SOX5: variants seen among roughly 807,000 people sequenced by gnomAD.
SOX5 encodes the protein SRY-box transcription factor 5, also known as transcription factor SOX-5.
In SOX5, 9 loss-of-function variants were observed where a neutral mutation model predicts 92.0. That is an observed-to-expected ratio of 0.10 (90% CI 0.06 to 0.17). The LOEUF (loss-of-function observed/expected upper bound fraction) is 0.17. SOX5 is among the 10% of genes least tolerant of loss of function. SOX5 has a pLI of 1.00. For missense variants in SOX5, 642 were observed against 944.5 expected (o/e 0.68, Z 4.20); for synonymous variants, 344 against 336.3 (o/e 1.02, Z -0.25).
At chr12:24,150,933 A>G (rs747689864) in intron 4 of SOX5, among the ~76,000 whole-genome samples, 1 of 152,140 alleles carries the variant, frequency 6.6e-6, no homozygotes, top group Non-Finnish European at 1.5e-5. Context: ...TGTTTTAGGA[A>G]AACATGATCA....
At chr12:24,422,106 C>T (rs1271997815) in intron 1 of SOX5, among the ~76,000 whole-genome samples, 2 of 152,286 alleles carry the variant, frequency 1.3e-5, no homozygotes, top group Non-Finnish European at 1.5e-5. Context: ...GAAGTCTAGA[C>T]GAATGGGGGC....
chr12:24,328,883 T>A (rs1005356428), intron 2 of SOX5, among the ~76,000 whole-genome samples: 3 of 152,210 alleles, frequency 2.0e-5, no homozygotes, highest in South Asian at 2.1e-4. Context: ...TTAACGTTAT[T>A]GTTAGAGTCC....
intron 3 of SOX5, among the ~76,000 whole-genome samples, chr12:23,843,495 T>C (rs367844374): frequency 4.0e-5 from 6 of 151,496 alleles, no homozygotes; most frequent in Admixed American, 1.3e-4. Flanking sequence ...ATAAAGTGAA[T>C]GTATAAATTA....
At chr12:24,533,289 G>A (rs191777576) in intron 1 of SOX5, among the ~76,000 whole-genome samples, 145 of 152,196 alleles carry the variant, frequency 9.5e-4, no homozygotes, top group African/African-American at 3.2e-3. Context: ...GTTGACATTA[G>A]AACTCAGAGA....
intron 3 of SOX5, among the ~76,000 whole-genome samples, chr12:23,837,896 T>C (rs1290194886): frequency 1.7e-4 from 19 of 112,682 alleles, no homozygotes; most frequent in Non-Finnish European, 2.4e-4. Flanking sequence ...ATATATAAGA[T>C]ATATTTATAT....
At chr12:24,319,152 T>G (rs904021602) in intron 2 of SOX5, among the ~76,000 whole-genome samples, 3 of 152,160 alleles carry the variant, frequency 2.0e-5, no homozygotes, top group Non-Finnish European at 4.4e-5. Flanking sequence ...TTCCATTCCT[T>G]TCACCCCTCC....
chr12:24,083,992 G>A (rs767791231), intron 4 of SOX5, among the ~76,000 whole-genome samples: 9 of 151,976 alleles, frequency 5.9e-5, no homozygotes, highest in African/African-American at 1.4e-4. Flanking sequence ...GGATCTCACC[G>A]GAGAAGGAAT....
intron 4 of SOX5, among the ~76,000 whole-genome samples, chr12:23,958,890 G>T (rs1946577452): frequency 6.6e-6 from 1 of 151,702 alleles, no homozygotes; most frequent in African/African-American, 2.4e-5. Context: ...GTAATATGTA[G>T]AAATCAATAT....
At chr12:23,773,742 A>G (rs972069014) in intron 3 of SOX5, among the ~76,000 whole-genome samples, 40 of 152,270 alleles carry the variant, frequency 2.6e-4, no homozygotes, top group African/African-American at 9.4e-4. Context: ...TGAGTTTTAC[A>G]TATTTGCAGG....
chr12:24,074,174 C>T (rs2137484457), intron 4 of SOX5, among the ~76,000 whole-genome samples: 1 of 152,220 alleles, frequency 6.6e-6, no homozygotes, highest in Non-Finnish European at 1.5e-5. Context: ...AATATAAATG[C>T]ACCTGATCTC....
chr12:23,796,133 T>A (rs968135532), intron 3 of SOX5, among the ~76,000 whole-genome samples: 1 of 152,180 alleles, frequency 6.6e-6, no homozygotes, highest in African/African-American at 2.4e-5. Flanking sequence ...TAAATTATAA[T>A]GAATCCATGG....
chr12:24,544,721 A>T (rs1377162443), intron 1 of SOX5, among the ~76,000 whole-genome samples: 1 of 152,230 alleles, frequency 6.6e-6, no homozygotes, highest in Non-Finnish European at 1.5e-5. Context: ...TCACTTTTTA[A>T]TACTTGGAGC....
chr12:24,240,262 ATCTTTGGCTCCAAATT>A (rs1965317125), intron 3 of SOX5, among the ~76,000 whole-genome samples: 1 of 152,144 alleles, frequency 6.6e-6, no homozygotes, highest in Non-Finnish European at 1.5e-5. Context: ...AAAGCAGCTA[ATCTTTGGCTCCAAATT>A]AGGACCTCTC....
At chr12:23,733,357 G>A (rs571562745) in intron 6 of SOX5, among the ~76,000 whole-genome samples, 1 of 152,168 alleles carries the variant, frequency 6.6e-6, no homozygotes, top group East Asian at 1.9e-4. Flanking sequence ...AGGTACCATC[G>A]ACTAAAAAGT....
In SOX5 at chr12:23,530,254, T is replaced by C. The variant is rs1565528390; in HGVS notation, c.*3965A>G. 6.6e-6 allele frequency: 1 copy of C among 152,244 alleles called. No individual in the cohort carries two copies. Among genetic ancestry groups the C allele is most frequent in the Non-Finnish European group, 1.5e-5 (1 of 68,048 alleles). 9.4% of individuals were successfully genotyped at this position (152,244 alleles called of 1,614,324 possible). ...CAGTTGTTTATTACAATTCAACAAT[T>C]TACCCATTAGAATGAGTGAAAGTGT... is the stretch of plus-strand genomic sequence containing the variant. On this transcript the variant is annotated 3_prime_UTR_variant, in exon 15 of 15. Transcript: ENST00000451604.
intron 2 of SOX5, among the ~76,000 whole-genome samples, chr12:23,891,351 A>G (rs373935995): frequency 6.6e-6 from 1 of 152,202 alleles, no homozygotes; most frequent in East Asian, 1.9e-4. Flanking sequence ...AAAGCATCCT[A>G]CTTCCTCAAA....
chr12:23,555,377 C>T (rs564956999), intron 11 of SOX5, among the ~76,000 whole-genome samples: 1 of 152,062 alleles, frequency 6.6e-6, no homozygotes, highest in South Asian at 2.1e-4. Flanking sequence ...TTGGACCATC[C>T]TACACTAACC....
intron 8 of SOX5, among the ~76,000 whole-genome samples, chr12:23,604,839 G>C (rs1205654471): frequency 6.6e-6 from 1 of 152,046 alleles, no homozygotes; most frequent in African/African-American, 2.4e-5. Context: ...ATCTAGTTAA[G>C]AGCTCTTTAT....
intron 3 of SOX5, among the ~76,000 whole-genome samples, chr12:24,220,581 G>A (rs757489665): frequency 3.3e-5 from 5 of 151,420 alleles, no homozygotes; most frequent in East Asian, 3.9e-4. Context: ...TTATTTAAAC[G>A]GGGCAAAAAA....
Sources: gnomAD v4.1 joint callset for allele counts (sites outside exome capture counted in the v4.1 genomes callset) on GRCh38, gnomAD v4.1.1 for gene constraint, MANE v1.5 for transcripts, NCBI Gene and HGNC (gene_info 2026-07-23, HGNC 2026-07-21) for gene names.